The following PPHLN1 variants were observed in gnomAD, a reference collection of about 807,000 sequenced individuals.
PPHLN1 encodes periphilin-1.
PPHLN1 carries 29 observed loss-of-function variants against 51.3 expected under a neutral mutation model. That is an observed-to-expected ratio of 0.57 (90% CI 0.42 to 0.77). The LOEUF (loss-of-function observed/expected upper bound fraction) is 0.77, where lower values mean the gene tolerates loss of function less well. Among genes scored for constraint, PPHLN1 ranks in the 30% least tolerant of loss-of-function variants. PPHLN1 has a pLI of 0.00. For missense variants in PPHLN1, 436 were observed against 438.4 expected, an observed-to-expected ratio of 0.99 and a Z score of 0.05; for synonymous variants, 147 against 147.8, an observed-to-expected ratio of 0.99 and a Z score of 0.04.
chr12:42,446,927 C>A (rs922156265), downstream of PPHLN1: 5 of 324,602 alleles, frequency 1.5e-5, no homozygotes, highest in Admixed American at 4.4e-5. Flanking sequence ...CAAGACTGCT[C>A]CCTGCAAAGG....
At chr12:42,366,191 G>A (rs1490256462) in intron 4 of PPHLN1, among the ~76,000 whole-genome samples, 2 of 149,928 alleles carry the variant, frequency 1.3e-5, no homozygotes, top group African/African-American at 4.9e-5. Context: ...TTGATACTGA[G>A]TGGTTTTTAC....
chr12:42,446,233 C>T (rs753259363), downstream of PPHLN1: 1 of 1,612,318 alleles, frequency 6.2e-7, no homozygotes, highest in South Asian at 1.1e-5. Flanking sequence ...AGACACCATT[C>T]ACTCCAGAAA....
At chr12:42,357,791 T>C (rs531314382) in intron 4 of PPHLN1, among the ~76,000 whole-genome samples, 68 of 152,354 alleles carry the variant, frequency 4.5e-4, no homozygotes, top group African/African-American at 1.6e-3. Flanking sequence ...CATGAATATA[T>C]TGTGTAGTGG....
At chr12:42,359,944 C>CA in intron 4 of PPHLN1, among the ~76,000 whole-genome samples, 1 of 151,826 alleles carries the variant, frequency 6.6e-6, no homozygotes, top group Admixed American at 6.6e-5. Flanking sequence ...CTTGTCTCCA[C>CA]AAAAAATACA....
intron 9 of PPHLN1, chr12:42,431,931 A>G (rs1164219404): frequency 1.3e-6 from 2 of 1,533,130 alleles, no homozygotes; most frequent in African/African-American, 1.4e-5. Flanking sequence ...GAGACCTCGT[A>G]TGACGATTAG....
intron 8 of PPHLN1, among the ~76,000 whole-genome samples, chr12:42,397,004 C>G (rs565276407): frequency 6.7e-6 from 1 of 149,030 alleles, no homozygotes; most frequent in Non-Finnish European, 1.5e-5. Flanking sequence ...CATCACTGCA[C>G]TCCAGCCTGG....
chr12:42,431,507 A>G (rs550316373), intron 9 of PPHLN1, among the ~76,000 whole-genome samples: 22 of 152,322 alleles, frequency 1.4e-4, no homozygotes, highest in African/African-American at 4.8e-4. Flanking sequence ...TATGTTTAAC[A>G]TATGATTTAT....
chr12:42,374,100 A>G (rs932192503), intron 4 of PPHLN1, among the ~76,000 whole-genome samples: 1 of 152,142 alleles, frequency 6.6e-6, no homozygotes, highest in Non-Finnish European at 1.5e-5. Flanking sequence ...GGCAAATTGC[A>G]TATACCTTGA....
At position 42,416,549 on chromosome 12, in the gene PPHLN1, A is replaced by G. The variant is rs114097588; in HGVS notation, c.909+17555A>G. 5.3e-3 allele frequency among the ~76,000 whole-genome samples: 812 copies of G among 152,312 alleles called. 6 individuals are homozygous for G. The highest frequency in any genetic ancestry group is 0.019 in the African/African-American group (786 of 41,580). On this transcript the variant is annotated intron_variant, in intron 9 of 9. Transcript: ENST00000358314. ...GGCTACAAATCCAGGGTTTTCCATG[A>G]CCCTGTAAGATTCAAGAATATGCTA...
intron 2 of PPHLN1, among the ~76,000 whole-genome samples, chr12:42,338,820 G>A (rs2071069592): frequency 6.6e-6 from 1 of 152,196 alleles, no homozygotes; most frequent in Admixed American, 6.5e-5. Flanking sequence ...CTTTGGGTGT[G>A]ATGTGGACCT....
At chr12:42,402,091 T>A in intron 9 of PPHLN1, among the ~76,000 whole-genome samples, 1 of 149,814 alleles carries the variant, frequency 6.7e-6, no homozygotes, top group East Asian at 2.0e-4. Context: ...ACTTCTGGGC[T>A]CGAGAGATCT....
In PPHLN1 at chr12:42,393,595, C is replaced by A; in HGVS notation, c.674C>A (p.Thr225Asn). The A allele has an allele frequency of 6.2e-7, 1 of 1,609,490 alleles. No individual in the cohort carries two copies. Among genetic ancestry groups the A allele is most frequent in the Non-Finnish European group, 8.5e-7 (1 of 1,178,466 alleles). ...SKVLDKPSRLTEKELAEAASK... is the reference protein window; with the variant it reads ...SKVLDKPSRLNEKELAEAASK... ...GTGTTAGACAAACCCAGTAGGCTAA[C>A]TGAAAAGGAACTTGCTGAGGCTGCA... Residue 225 changes from threonine (T) to asparagine (N), a missense_variant, in exon 8 of 10, where the codon ACT becomes AAT. Physicochemically the swap from Thr to Asn is moderately conservative, Grantham distance 65 (BLOSUM62 0). Transcript: ENST00000358314.
At position 42,351,110 on chromosome 12, in the gene PPHLN1, C is replaced by T. The variant is rs1483271084; in HGVS notation, c.73-775C>T. Among the ~76,000 whole-genome samples the T allele has an allele frequency of 4.6e-5, 7 of 151,760 alleles. No homozygotes were observed. The East Asian group carries it at 9.6e-4, about 21-fold the overall frequency. On this transcript the variant is annotated intron_variant, in intron 2 of 9. Transcript: ENST00000358314. Reference sequence around the variant, plus strand: ...TTTACAGTTTTTTTTTAACATATATCTCATTTGATATTGATTGATGTGTCA... The same window carrying T: ...TTTACAGTTTTTTTTTAACATATATTTCATTTGATATTGATTGATGTGTCA...
In PPHLN1 at chr12:42,393,449, C is replaced by G; in HGVS notation, c.649-121C>G. ...TTGAAGGAGGAAATAAAGAATGTAC[C>G]TGTTCTCCATAGAAATTTGGAGGCT... On this transcript the variant is annotated intron_variant, in intron 7 of 9. Coordinates refer to ENST00000358314, the MANE Select transcript of PPHLN1 (RefSeq NM_201439.2). The G allele has an allele frequency of 4.3e-6, 4 of 927,198 alleles. No homozygotes were observed. The East Asian group carries it at 1.1e-4, about 25-fold the overall frequency. The allele number at this position is 927,198 out of a possible 1,614,324, so 57.4% of individuals were successfully genotyped here. A position where few individuals can be genotyped will look rare whatever the true frequency, so the allele number is the denominator to read the frequency against.
At chr12:42,431,656 C>A in intron 9 of PPHLN1, 1 of 1,009,906 alleles carries the variant, frequency 9.9e-7, no homozygotes, top group Non-Finnish European at 1.5e-6. Flanking sequence ...AAACTAGGAA[C>A]TTCTTCAGTT....
downstream of PPHLN1, chr12:42,445,694 C>A: frequency 3.4e-6 from 1 of 294,972 alleles, no homozygotes. Context: ...AAGGACAGGC[C>A]GTAGTAGAAC....
intron 2 of PPHLN1, among the ~76,000 whole-genome samples, chr12:42,349,262 C>G (rs953414972): frequency 6.6e-6 from 1 of 152,164 alleles, no homozygotes; most frequent in Non-Finnish European, 1.5e-5. Flanking sequence ...GAACACGGTA[C>G]TAAACACTTT....
At chr12:42,415,317 G>A (rs370058257) in intron 9 of PPHLN1, among the ~76,000 whole-genome samples, 1 of 152,034 alleles carries the variant, frequency 6.6e-6, no homozygotes, top group African/African-American at 2.4e-5. Flanking sequence ...GATTACAGGC[G>A]CATGCCACCA....
At chr12:42,396,886 A>G (rs1032483576) in intron 8 of PPHLN1, among the ~76,000 whole-genome samples, 2 of 151,752 alleles carry the variant, frequency 1.3e-5, no homozygotes, top group African/African-American at 4.8e-5. Flanking sequence ...AAAATCCACA[A>G]AAAATTAGCT....
Sources: gnomAD v4.1 joint callset for allele counts (sites outside exome capture counted in the v4.1 genomes callset) on GRCh38, gnomAD v4.1.1 for gene constraint, MANE v1.5 for transcripts, NCBI Gene and HGNC (gene_info 2026-07-23, HGNC 2026-07-21) for gene names.